SBK1: variants seen among roughly 807,000 people sequenced by gnomAD.
The protein encoded by SBK1 is SH3 domain binding kinase 1, also known as serine/threonine-protein kinase SBK1.
SBK1 carries 11 observed loss-of-function variants against 24.4 expected under a neutral mutation model. That is an observed-to-expected ratio of 0.45 (90% CI 0.28 to 0.75). The LOEUF is 0.75. Ranked by LOEUF, SBK1 falls within the 30% of genes least tolerant of loss-of-function variation. The pLI is 0.12. For missense variants in SBK1, 467 were observed against 620.5 expected, an observed-to-expected ratio of 0.75 and a Z score of 2.63; for synonymous variants, 308 against 284.4, an observed-to-expected ratio of 1.08 and a Z score of -0.83.
rs2141593256 is a variant in SBK1, at chr16:28,320,757, G to C, written c.1111G>C (p.Gly371Arg). The C allele has an allele frequency of 1.6e-6, 2 of 1,289,094 alleles. No homozygotes were observed. The highest frequency in any genetic ancestry group is 8.5e-5 in the East Asian group (2 of 23,460). The allele number at this position is 1,289,094 out of a possible 1,614,324, so 79.9% of individuals were successfully genotyped here. A position where few individuals can be genotyped will look rare whatever the true frequency, so the allele number is the denominator to read the frequency against. The change falls in exon 4 of 4, where the codon GGG becomes CGG. Residue 371 changes from glycine to arginine, a missense_variant. Coordinates refer to ENST00000341901, the MANE Select transcript of SBK1 (RefSeq NM_001024401.3). The surrounding 1 kb of genome is among the most constrained non-coding windows in gnomAD (Gnocchi z 8.5). ...CTCCCGGCCCGCGCCCCCCGCCGTC[G>C]GGTCGGTGCCCTTGCCCGTGCCGGT... is the stretch of plus-strand genomic sequence containing the variant. ...SGSRPAPPAVGSVPLPVPVPV... is the reference protein window; with the variant it reads ...SGSRPAPPAVRSVPLPVPVPV...
In SBK1 at chr16:28,292,584, G is replaced by C; in HGVS notation, c.-724G>C. On this transcript the variant is annotated 5_prime_UTR_variant, in exon 1 of 4. Coordinates refer to ENST00000341901, the MANE Select transcript of SBK1 (RefSeq NM_001024401.3). ...GGGGCCGGGGCCCGAGCGCCAGGCG[G>C]AGCGCGAGCTGGAGCCGCAGCCGGA... 1.0e-6 allele frequency: 1 copy of C among 980,352 alleles called. No homozygotes were observed. Among genetic ancestry groups the C allele is most frequent in the African/African-American group, 1.8e-5 (1 of 56,742 alleles). 60.7% of individuals were successfully genotyped at this position (980,352 alleles called of 1,614,324 possible).
chr16:28,293,762 C>T (rs1445188324), intron 1 of SBK1, among the ~76,000 whole-genome samples: 1 of 151,800 alleles, frequency 6.6e-6, no homozygotes, highest in African/African-American at 2.4e-5. Context: ...ATGGCTGGGG[C>T]TTCGGGTGTG....
intron 2 of SBK1, among the ~76,000 whole-genome samples, chr16:28,318,378 G>A (rs1021709798): frequency 5.9e-5 from 9 of 152,250 alleles, no homozygotes; most frequent in Non-Finnish European, 8.8e-5. Context: ...TGCTTGCTGT[G>A]TGACCTTGAG....
In SBK1 at chr16:28,321,736, C is replaced by T. The variant is rs1411288498; in HGVS notation, c.*815C>T. 1 of 152,606 alleles carries T rather than the reference C, an allele frequency of 6.6e-6. No homozygotes were observed. Among genetic ancestry groups the T allele is most frequent in the Non-Finnish European group, 1.5e-5 (1 of 68,104 alleles). The allele number at this position is 152,606 out of a possible 1,614,324, so 9.5% of individuals were successfully genotyped here. A position where few individuals can be genotyped will look rare whatever the true frequency, so the allele number is the denominator to read the frequency against. On this transcript the variant is annotated 3_prime_UTR_variant, in exon 4 of 4. Coordinates refer to ENST00000341901, the MANE Select transcript of SBK1 (RefSeq NM_001024401.3). ...TAACCACAAGGGATTGTCCTGACAA[C>T]TTGTGGGGATAGAAGGGCTCACAGG...
chr16:28,269,076 C>T (rs1200406774), intron 1 of SBK1, among the ~76,000 whole-genome samples: 2 of 150,042 alleles, frequency 1.3e-5, no homozygotes, highest in African/African-American at 2.5e-5. Context: ...CTCTGTCACC[C>T]AGGCTGGAGT....
At chr16:28,310,643 A>C (rs1206950097) in intron 1 of SBK1, among the ~76,000 whole-genome samples, 1 of 152,170 alleles carries the variant, frequency 6.6e-6, no homozygotes, top group East Asian at 1.9e-4. Context: ...CAAGAATTGG[A>C]GACCAGCCAG....
chr16:28,292,489 G>A (rs1258399699), upstream of SBK1: 1 of 968,068 alleles, frequency 1.0e-6, no homozygotes, highest in Non-Finnish European at 1.2e-6. Context: ...CGCGGGCCGG[G>A]CGGGCAGGTG....
chr16:28,285,363 G>A (rs1567673335), intron 1 of SBK1: 1 of 152,228 alleles, frequency 6.6e-6, no homozygotes, highest in Non-Finnish European at 1.5e-5. Context: ...AGACCAGCTT[G>A]GCCAGCATGG....
chr16:28,318,893 T>G, intron 2 of SBK1, 102 bp from the exon 3 acceptor site: 1 of 843,400 alleles, frequency 1.2e-6, no homozygotes, highest in Non-Finnish European at 2.1e-6. Flanking sequence ...TCATGCCTGC[T>G]GGGGACCCTG....
Position 28,317,415 on chromosome 16 carries a change from T to C in SBK1, c.24T>C (p.Pro8=), listed in dbSNP as rs1448056553. The C allele has an allele frequency of 3.7e-6, 6 of 1,613,836 alleles. No homozygotes were observed. The Admixed American group carries it at 8.3e-5, about 22-fold the overall frequency. MSVGCPE[P]EPPRSLTCCG... ...AGATGAGCGTGGGCTGCCCAGAGCC[T>C]GAGCCGCCCCGCTCCCTGACCTGCT... The change falls in exon 2 of 4, where the codon CCT becomes CCC. Residue 8 remains proline (P), a synonymous_variant. Transcript: ENST00000341901. This position sits in a 1 kb window ranked among gnomAD's most constrained non-coding sequence, Gnocchi z 4.2.
At chr16:28,300,791 G>T (rs1464573402) in intron 1 of SBK1, among the ~76,000 whole-genome samples, 1 of 152,170 alleles carries the variant, frequency 6.6e-6, no homozygotes, top group Non-Finnish European at 1.5e-5. Context: ...ACCCTAAACT[G>T]CACTGTTATT....
chr16:28,310,026 T>A (rs2044743783), intron 1 of SBK1, among the ~76,000 whole-genome samples: 1 of 152,172 alleles, frequency 6.6e-6, no homozygotes, highest in South Asian at 2.1e-4. Context: ...GGTGGGCGGC[T>A]CAGTCTTGCT....
At chr16:28,314,782 C>G (rs564063669) in intron 1 of SBK1, among the ~76,000 whole-genome samples, 1 of 152,282 alleles carries the variant, frequency 6.6e-6, no homozygotes, top group African/African-American at 2.4e-5. Flanking sequence ...AGTTCGAGAT[C>G]AGCCTGGCCA....
chr16:28,304,492 C>T (rs1337008240), intron 1 of SBK1, among the ~76,000 whole-genome samples: 2 of 152,164 alleles, frequency 1.3e-5, no homozygotes, highest in African/African-American at 2.4e-5. Flanking sequence ...TTGCTTAACC[C>T]CTTTGATCCT....
chr16:28,312,393 C>CTGAG (rs1334460704), intron 1 of SBK1, among the ~76,000 whole-genome samples: 2 of 152,202 alleles, frequency 1.3e-5, no homozygotes, highest in Non-Finnish European at 1.5e-5. Context: ...TTTTCCAAGC[C>CTGAG]TGAGACCAGG....
At chr16:28,270,545 C>G (rs1411737062) in intron 1 of SBK1, among the ~76,000 whole-genome samples, 2 of 151,894 alleles carry the variant, frequency 1.3e-5, no homozygotes. Context: ...CCTATCTGAG[C>G]CTCCTGGGTA....
At chr16:28,302,294 C>T (rs1159241507) in intron 1 of SBK1, among the ~76,000 whole-genome samples, 1 of 152,236 alleles carries the variant, frequency 6.6e-6, no homozygotes, top group Non-Finnish European at 1.5e-5. Context: ...GGCTTGGTGG[C>T]CCCCACCCTC....
At chr16:28,279,855 C>T (rs879656181) in intron 1 of SBK1, among the ~76,000 whole-genome samples, 9 of 151,762 alleles carry the variant, frequency 5.9e-5, no homozygotes, top group African/African-American at 1.9e-4. Flanking sequence ...GCAGGGACAG[C>T]GGGTGAGGAC....
At chr16:28,279,312 T>C (rs2141566354) in intron 1 of SBK1, among the ~76,000 whole-genome samples, 1 of 147,140 alleles carries the variant, frequency 6.8e-6, no homozygotes, top group African/African-American at 2.5e-5. Context: ...GGTGGGAGGA[T>C]CACTTGAGCC....
Sources: gnomAD v4.1 joint callset for allele counts (sites outside exome capture counted in the v4.1 genomes callset) on GRCh38, gnomAD v4.1.1 for gene constraint, Gnocchi (gnomAD v3.1) non-coding constraint, MANE v1.5 for transcripts, NCBI Gene and HGNC (gene_info 2026-07-23, HGNC 2026-07-21) for gene names.